The following LFNG variants were observed in gnomAD, a reference collection of about 807,000 sequenced individuals.
LFNG encodes the protein LFNG O-fucosylpeptide 3-beta-N-acetylglucosaminyltransferase, also known as beta-1,3-N-acetylglucosaminyltransferase lunatic fringe.
LFNG carries 15 observed loss-of-function variants against 32.7 expected under a neutral mutation model. The ratio of observed to expected loss-of-function variants is 0.46; its 90% CI spans 0.31 to 0.71. The LOEUF (loss-of-function observed/expected upper bound fraction) is 0.71, where lower values mean the gene tolerates loss of function less well. Among genes scored for constraint, LFNG ranks in the 30% least tolerant of loss-of-function variants. LFNG has a pLI of 0.06. For missense variants in LFNG, 520 were observed against 545.7 expected, an observed-to-expected ratio of 0.95 and a Z score of 0.47; for synonymous variants, 274 against 246.8, an observed-to-expected ratio of 1.11 and a Z score of -1.03.
At chr7:2,521,539 G>A (rs2128375673) in intron 1 of LFNG, among the ~76,000 whole-genome samples, 1 of 152,350 alleles carries the variant, frequency 6.6e-6, no homozygotes, top group East Asian at 1.9e-4. Context: ...TGGCGATGAG[G>A]GGACCAGCGG....
At chr7:2,525,142 C>T (rs1394229622) in intron 2 of LFNG, 77 bp from the exon 3 acceptor site, 3 of 1,279,242 alleles carry the variant, frequency 2.3e-6, no homozygotes, top group East Asian at 4.9e-5. Flanking sequence ...AGCCCCTGGG[C>T]CCTGTGGCGT....
Position 2,526,874 on chromosome 7 carries a change from C to T in LFNG, c.1026C>T (p.Asn342=), listed in dbSNP as rs756592084. ...LSYGMFENKR[N]AVHVKGPFSV... ...ACGGTATGTTTGAAAACAAGCGGAACGCCGTCCACGTGAAGGGGCCCTTCT... is the reference window on the plus strand; with the variant it reads ...ACGGTATGTTTGAAAACAAGCGGAATGCCGTCCACGTGAAGGGGCCCTTCT... Residue 342 remains asparagine (N), a synonymous_variant, in exon 7 of 8, where the codon AAC becomes AAT. Transcript: ENST00000222725. This position sits in a 1 kb window ranked among gnomAD's most constrained non-coding sequence, Gnocchi z 6.9. The T allele has an allele frequency of 3.5e-5, 56 of 1,612,238 alleles. No homozygotes were observed. The highest frequency in any genetic ancestry group is 2.0e-4 in the African/African-American group (15 of 74,750).
Position 2,525,547 on chromosome 7 carries a change from C to T in LFNG, c.715C>T (p.Arg239Trp), listed in dbSNP as rs143479850. 201 of 1,612,232 alleles carry T rather than the reference C, an allele frequency of 1.2e-4. No homozygotes were observed. Among genetic ancestry groups the T allele is most frequent in the Middle Eastern group, 8.2e-4 (5 of 6,078 alleles). ...SLDRPIQAME[R>W]VSENKVRPVH... ...GGACAGGCCCATCCAGGCCATGGAG[C>T]GGGTCAGCGAGAACAAGGTGGTGAG... Residue 239 changes from arginine (R) to tryptophan (W), a missense_variant, in exon 4 of 8, where the codon CGG becomes TGG. By Grantham distance (101) the Arg-to-Trp change is moderately radical. Coordinates refer to ENST00000222725, the MANE Select transcript of LFNG (RefSeq NM_001040167.2).
Position 2,526,228 on chromosome 7 carries a change from C to A in LFNG, c.822-16C>A. On this transcript the variant is annotated splice_polypyrimidine_tract_variant and intron_variant, in intron 5 of 7. Coordinates refer to ENST00000222725, the MANE Select transcript of LFNG (RefSeq NM_001040167.2). The surrounding 1 kb of genome is among the most constrained non-coding windows in gnomAD (Gnocchi z 6.9). ...TCCCGCCTCTGCTCACTGGTCTGGG[C>A]CCTTCCCTCCCGCAGCGGGGGTCAC... The A allele has an allele frequency of 6.2e-7, 1 of 1,612,354 alleles. No individual in the cohort carries two copies. The highest frequency in any genetic ancestry group is 2.2e-5 in the East Asian group (1 of 44,874).
intron 1 of LFNG, among the ~76,000 whole-genome samples, chr7:2,521,712 G>A (rs1779797890): frequency 6.6e-6 from 1 of 152,202 alleles, no homozygotes; most frequent in African/African-American, 2.4e-5. Flanking sequence ...TGGAATTTGG[G>A]GCCTTTCTCC....
In LFNG at chr7:2,520,856, G is replaced by A. The variant is rs567608854; in HGVS notation, c.432+563G>A. Among the ~76,000 whole-genome samples, 4 of 152,284 alleles carry A rather than the reference G, an allele frequency of 2.6e-5. No homozygotes were observed. The highest frequency in any genetic ancestry group is 9.6e-5 in the African/African-American group (4 of 41,556). ...TGGGGTCTGTGTGGGGACCCTCCCC[G>A]CACAGTGCAGTAGTCTCTGAGGCCT... On this transcript the variant is annotated intron_variant, in intron 1 of 7. Transcript: ENST00000222725. This position sits in a 1 kb window ranked among gnomAD's most constrained non-coding sequence, Gnocchi z 5.0.
Position 2,526,533 on chromosome 7 carries a change from C to T in LFNG, c.987+124C>T. 1.9e-6 allele frequency: 2 copies of T among 1,075,260 alleles called. No individual in the cohort carries two copies. Among genetic ancestry groups the T allele is most frequent in the Non-Finnish European group, 2.7e-6 (2 of 731,956 alleles). The allele number at this position is 1,075,260 out of a possible 1,614,324, so 66.6% of individuals were successfully genotyped here. A position where few individuals can be genotyped will look rare whatever the true frequency, so the allele number is the denominator to read the frequency against. Reference sequence around the variant, plus strand: ...GGGAGGCCAGGCAGCACTCCACTGTCAGCCAGGGGGGGTCACTCCTGCCAT... The same window carrying T: ...GGGAGGCCAGGCAGCACTCCACTGTTAGCCAGGGGGGGTCACTCCTGCCAT... On this transcript the variant is annotated intron_variant, in intron 6 of 7. Coordinates refer to ENST00000222725, the MANE Select transcript of LFNG (RefSeq NM_001040167.2). The surrounding 1 kb of genome is among the most constrained non-coding windows in gnomAD (Gnocchi z 6.9).
chr7:2,525,790 T>C lies in LFNG; in HGVS notation c.821+20T>C. ...GGCCAGGTGAGTGCCCTGCACAGGT[T>C]AGGCCAGCCCGGTCCCAGGCTCCTC... On this transcript the variant is annotated intron_variant, in intron 5 of 7. Transcript: ENST00000222725. 1.2e-6 allele frequency: 2 copies of C among 1,603,266 alleles called. No individual in the cohort carries two copies. The highest frequency in any genetic ancestry group is 2.2e-5 in the South Asian group (2 of 90,758).
upstream of LFNG, chr7:2,513,115 T>A: frequency 6.2e-7 from 1 of 1,608,434 alleles, no homozygotes; most frequent in Non-Finnish European, 8.5e-7. Flanking sequence ...TGGACCCATT[T>A]TTCTAACCCC....
At chr7:2,519,550 G>A (rs893168363), upstream of LFNG, among the ~76,000 whole-genome samples, 49 of 151,186 alleles carry the variant, frequency 3.2e-4, no homozygotes, top group Admixed American at 3.2e-3. Flanking sequence ...GCCCGCAGGG[G>A]CTACCCGGGG....
At chr7:2,514,086 C>CCAGGG (rs1430951255), upstream of LFNG, among the ~76,000 whole-genome samples, 1 of 152,228 alleles carries the variant, frequency 6.6e-6, no homozygotes, top group Non-Finnish European at 1.5e-5. Flanking sequence ...GGAAATGCCC[C>CCAGGG]CAGGGCAGGG....
rs1433545001 is a variant in LFNG at position 2,525,459 on chromosome 7, C to T, written c.627C>T (p.Ala209=). 3 of 1,612,718 alleles carry T rather than the reference C, an allele frequency of 1.9e-6. No individual in the cohort carries two copies. The highest frequency in any genetic ancestry group is 2.2e-5 in the East Asian group (1 of 44,884). ...ATGACAACTACGTCAACCTGCGGGC[C>T]CTGCTGCGGCTGCTGGCCAGCTACC... ...VDDDNYVNLR[A]LLRLLASYPH... The change falls in exon 4 of 8, where the codon GCC becomes GCT. Residue 209 remains alanine (A), a synonymous_variant. Coordinates refer to ENST00000222725, the MANE Select transcript of LFNG (RefSeq NM_001040167.2).
chr7:2,522,097 C>T (rs971800831), intron 1 of LFNG, among the ~76,000 whole-genome samples: 1 of 152,148 alleles, frequency 6.6e-6, no homozygotes, highest in Non-Finnish European at 1.5e-5. Context: ...ATGACTCAGA[C>T]ATGGTCTGAT....
At chr7:2,522,984 AC>A (rs1420785542) in intron 1 of LFNG, among the ~76,000 whole-genome samples, 1 of 150,924 alleles carries the variant, frequency 6.6e-6, no homozygotes, top group Admixed American at 6.6e-5. Flanking sequence ...TTCGACCGGC[AC>A]CCCCGCACCC....
chr7:2,527,595 T>C lies in LFNG; in HGVS notation c.*383T>C, dbSNP rs971839428. 2 of 1,193,448 alleles carry C rather than the reference T, an allele frequency of 1.7e-6. No homozygotes were observed. Among genetic ancestry groups the C allele is most frequent in the Non-Finnish European group, 2.1e-6 (2 of 947,662 alleles). The allele number at this position is 1,193,448 out of a possible 1,614,324, so 73.9% of individuals were successfully genotyped here. ...CGATGCGTAGGTGCCTTTCTCTTCC[T>C]GCTGACCACAAGCTCTGTGCTGGGG... On this transcript the variant is annotated 3_prime_UTR_variant, in exon 8 of 8. Coordinates refer to ENST00000222725, the MANE Select transcript of LFNG (RefSeq NM_001040167.2). The surrounding 1 kb of genome is among the most constrained non-coding windows in gnomAD (Gnocchi z 4.4).
upstream of LFNG, chr7:2,517,977 G>C: frequency 9.5e-7 from 1 of 1,048,146 alleles, no homozygotes; most frequent in Non-Finnish European, 1.2e-6. Flanking sequence ...GGGGGTGGAG[G>C]CTGCCCAAGT....
chr7:2,522,992 A>G (rs1400476760), intron 1 of LFNG, among the ~76,000 whole-genome samples: 2 of 152,010 alleles, frequency 1.3e-5, no homozygotes, highest in Non-Finnish European at 2.9e-5. Context: ...GCACCCCCGC[A>G]CCCCATAGCC....
rs140710577 is a variant in LFNG at position 2,525,609 on chromosome 7, C to T, written c.735+42C>T. 204 of 1,611,748 alleles carry T rather than the reference C, an allele frequency of 1.3e-4. 1 individual carries two copies. The highest frequency in any genetic ancestry group is 1.1e-3 in the African/African-American group (79 of 75,066). On this transcript the variant is annotated intron_variant, in intron 4 of 7. Coordinates refer to ENST00000222725, the MANE Select transcript of LFNG (RefSeq NM_001040167.2). The stretch of plus-strand genomic sequence containing the variant: ...CCCAGTCCCCCACGCCCACGCGGAG[C>T]GCACACCCGGAGTGGGGGTGGGACC...
At position 2,526,856 on chromosome 7, in the gene LFNG, G is replaced by A. The variant is rs141903867; in HGVS notation, c.1008G>A (p.Met336Ile). 29 of 1,612,534 alleles carry A rather than the reference G, an allele frequency of 1.8e-5. No individual in the cohort carries two copies. In the African/African-American group the frequency reaches 3.6e-4, roughly 20 times the overall value. ...LHEQVTLSYGMFENKRNAVHV... is the reference protein window; with the variant it reads ...LHEQVTLSYGIFENKRNAVHV... Reference sequence around the variant, plus strand: ...CACAGGTGACGCTGAGCTACGGTATGTTTGAAAACAAGCGGAACGCCGTCC... The same window carrying A: ...CACAGGTGACGCTGAGCTACGGTATATTTGAAAACAAGCGGAACGCCGTCC... Residue 336 changes from methionine (M) to isoleucine (I), a missense_variant, in exon 7 of 8, where the codon ATG (methionine) becomes ATA (isoleucine). By Grantham distance (10) the Met-to-Ile change is conservative (BLOSUM62 1). This residue lies in a region of LFNG where 150 missense variants were observed against 159.9 expected (regional missense o/e 0.94). Coordinates refer to ENST00000222725, the MANE Select transcript of LFNG (RefSeq NM_001040167.2). The surrounding 1 kb of genome is among the most constrained non-coding windows in gnomAD (Gnocchi z 6.9).
Sources: allele counts gnomAD v4.1 joint callset (sites outside exome capture counted in the v4.1 genomes callset), GRCh38; gene constraint gnomAD v4.1.1; regional missense constraint gnomAD v4.1.1; non-coding constraint Gnocchi (gnomAD v3.1); transcripts MANE v1.5; gene names NCBI Gene and HGNC (gene_info 2026-07-23, HGNC 2026-07-21).